The following SAG variants were observed in gnomAD, a reference collection of about 807,000 sequenced individuals.
SAG encodes the protein S-antigen visual arrestin.
In SAG, 45 loss-of-function variants were observed where a neutral mutation model predicts 55.0. That is an observed-to-expected ratio of 0.82 (90% CI 0.64 to 1.05). SAG has a LOEUF of 1.05. Among genes scored for constraint, SAG ranks in the 50% least tolerant of loss-of-function variants. The pLI, the probability that SAG is intolerant of heterozygous loss-of-function variation, is 0.00. For synonymous variants in SAG, 189 were observed against 197.4 expected (o/e 0.96, Z 0.36); for missense variants, 455 against 512.1 (o/e 0.89, Z 1.08).
chr2:233,339,452 G>A (rs536788300), intron 12 of SAG, among the ~76,000 whole-genome samples: 96 of 151,906 alleles, frequency 6.3e-4, no homozygotes, highest in Middle Eastern at 3.5e-3. Flanking sequence ...GAATTCCCTT[G>A]AGGAAAATAA....
intron 6 of SAG, among the ~76,000 whole-genome samples, chr2:233,325,988 C>T (rs575384701): frequency 2.6e-5 from 4 of 151,868 alleles, no homozygotes; most frequent in Admixed American, 6.6e-5. Context: ...CCAATAAATC[C>T]GTGCCTCATA....
chr2:233,326,615 C>T (rs1287159477), intron 6 of SAG, among the ~76,000 whole-genome samples: 1 of 151,898 alleles, frequency 6.6e-6, no homozygotes, highest in Non-Finnish European at 1.5e-5. Context: ...TCGTGCTGCC[C>T]GCACTGGGTG....
At chr2:233,324,701 G>C (rs773977598) in intron 6 of SAG, among the ~76,000 whole-genome samples, 26 of 152,158 alleles carry the variant, frequency 1.7e-4, no homozygotes, top group Non-Finnish European at 2.9e-4. Context: ...AGGAGGAGAA[G>C]GAGGTGCCAG....
intron 7 of SAG, 88 bp downstream of exon 7, chr2:233,327,285 C>G: frequency 9.3e-7 from 1 of 1,077,842 alleles, no homozygotes; most frequent in South Asian, 1.3e-5. Context: ...TGGGACAGAC[C>G]TCTTCCCATA....
chr2:233,338,173 G>A (rs1324190046), intron 11 of SAG, among the ~76,000 whole-genome samples: 5 of 152,212 alleles, frequency 3.3e-5, no homozygotes, highest in African/African-American at 7.2e-5. Context: ...CGCGGGGGGC[G>A]CTGGGACACA....
chr2:233,320,775 G>C lies in SAG; in HGVS notation c.327G>C (p.Glu109Asp), dbSNP rs145199285. ...CGAGCACCCCCACAAAACTGCAAGA[G>C]AGCCTGCTTAAAAAGCTGGGGAGCA... ...GAASTPTKLQ[E>D]SLLKKLGSNT... The change falls in exon 5 of 16, where the codon GAG (glutamate) becomes GAC (aspartate). Residue 109 changes from glutamate to aspartate, a missense_variant. Glu to Asp is a conservative substitution (Grantham distance 45). Coordinates refer to ENST00000409110, the MANE Select transcript of SAG (RefSeq NM_000541.5). 1.2e-5 allele frequency: 20 copies of C among 1,606,364 alleles called. No homozygotes were observed. In the Admixed American group the frequency reaches 1.7e-4, roughly 14 times the overall value.
Position 233,317,723 on chromosome 2 carries a change from A to T in SAG, c.137-1028A>T, listed in dbSNP as rs141666374. Among the ~76,000 whole-genome samples, 15 of 152,368 alleles carry T rather than the reference A, an allele frequency of 9.8e-5. 1 individual carries two copies. The East Asian group carries it at 2.9e-3, about 29-fold the overall frequency. The stretch of plus-strand genomic sequence containing the variant: ...CTAGATGCCCTAACAATAGGAAGTG[A>T]TTAAATAATTTATGGTACATCCATT... On this transcript the variant is annotated intron_variant, in intron 3 of 15. Transcript: ENST00000409110.
chr2:233,326,219 A>G (rs181761604), intron 6 of SAG, among the ~76,000 whole-genome samples: 19 of 152,274 alleles, frequency 1.2e-4, no homozygotes, highest in Admixed American at 2.6e-4. Flanking sequence ...AGCCCACACA[A>G]TGCTTAAAAG....
At chr2:233,320,555 C>G in intron 4 of SAG, 75 bp from the exon 5 acceptor site, 1 of 1,197,148 alleles carries the variant, frequency 8.4e-7, no homozygotes, top group Non-Finnish European at 1.2e-6. Flanking sequence ...AACCCGTGTT[C>G]GCTGCCCATT....
chr2:233,311,593 G>A (rs1015506818), intron 2 of SAG, among the ~76,000 whole-genome samples: 15 of 152,158 alleles, frequency 9.9e-5, no homozygotes, highest in African/African-American at 3.4e-4. Context: ...AAGAAGGGGT[G>A]TGTGGCTGTT....
intron 2 of SAG, among the ~76,000 whole-genome samples, chr2:233,311,403 T>A (rs751266487): frequency 1.3e-5 from 2 of 152,152 alleles, no homozygotes; most frequent in African/African-American, 2.4e-5. Flanking sequence ...TCTTCTCTCA[T>A]ATCTCATTGG....
At chr2:233,335,140 G>C (rs1700884344) in intron 11 of SAG, 41 bp downstream of exon 11, 1 of 1,588,712 alleles carries the variant, frequency 6.3e-7, no homozygotes, top group East Asian at 2.3e-5. Flanking sequence ...TGGCAGGGCG[G>C]GCTGGTGCTG....
At chr2:233,325,825 C>CT (rs1700535091) in intron 6 of SAG, among the ~76,000 whole-genome samples, 1 of 152,206 alleles carries the variant, frequency 6.6e-6, no homozygotes, top group Non-Finnish European at 1.5e-5. Context: ...GCCTGAATGC[C>CT]TGGGGGCCTG....
chr2:233,317,912 T>C (rs1443485438), intron 3 of SAG, among the ~76,000 whole-genome samples: 1 of 152,200 alleles, frequency 6.6e-6, no homozygotes, highest in Non-Finnish European at 1.5e-5. Flanking sequence ...GTATGTACAA[T>C]AGGATCTTTT....
intron 3 of SAG, 88 bp downstream of exon 3, chr2:233,316,223 T>C: frequency 1.3e-6 from 1 of 751,052 alleles, no homozygotes; most frequent in Middle Eastern, 2.3e-4. Flanking sequence ...CTGGCCTTGC[T>C]AATAATCTAA....
rs114382227 is a variant in SAG, at chr2:233,344,723, G to A, written c.1103-1680G>A. The A allele has an allele frequency of 4.9e-3, 749 of 152,206 alleles. 4 individuals carry two copies. The highest frequency in any genetic ancestry group is 0.017 in the African/African-American group (714 of 41,522). 9.4% of individuals were successfully genotyped at this position (152,206 alleles called of 1,614,324 possible). ...CTCCTGTCTTCTCTGCCTAGTTCTC[G>A]GCTCCCTGAGTCTAGGCTGGTAGGA... On this transcript the variant is annotated intron_variant, in intron 14 of 15. Coordinates refer to ENST00000409110, the MANE Select transcript of SAG (RefSeq NM_000541.5).
intron 12 of SAG, 78 bp downstream of exon 12, chr2:233,338,831 T>A: frequency 8.3e-7 from 1 of 1,208,422 alleles, no homozygotes; most frequent in Non-Finnish European, 1.2e-6. Flanking sequence ...CCTGAATGAC[T>A]GGGAGACAGA....
chr2:233,338,854 G>A (rs551100291), intron 12 of SAG, 101 bp downstream of exon 12: 2 of 964,224 alleles, frequency 2.1e-6, no homozygotes, highest in Admixed American at 1.8e-5. Context: ...GCAAGGAAAG[G>A]CCCATAGCTT....
intron 2 of SAG, among the ~76,000 whole-genome samples, chr2:233,315,281 C>CTTTTTT (rs5839476): frequency 1.3e-4 from 9 of 69,396 alleles, no homozygotes; most frequent in African/African-American, 2.8e-4. Context: ...TCCAGAAGTT[C>CTTTTTT]TTTTTTTTTT....
Sources: gnomAD v4.1 joint callset for allele counts (sites outside exome capture counted in the v4.1 genomes callset) on GRCh38, gnomAD v4.1.1 for gene constraint, MANE v1.5 for transcripts, NCBI Gene and HGNC (gene_info 2026-07-23, HGNC 2026-07-21) for gene names.